The following UBE2E2 variants were observed in gnomAD, a reference collection of about 807,000 sequenced individuals.
UBE2E2 encodes the protein ubiquitin conjugating enzyme E2 E2.
Under a neutral mutation model 24.7 loss-of-function variants are expected in UBE2E2, and 6 were observed. The ratio of observed to expected loss-of-function variants is 0.24; its 90% CI spans 0.13 to 0.48. The LOEUF (loss-of-function observed/expected upper bound fraction) is 0.48, where lower values mean the gene tolerates loss of function less well. Ranked by LOEUF, UBE2E2 falls within the 20% of genes least tolerant of loss-of-function variation. The probability of loss-of-function intolerance (pLI) is 0.99; values close to 1 mark genes in which losing one functional copy is unlikely to be tolerated. For missense variants in UBE2E2, 169 were observed against 245.0 expected, an observed-to-expected ratio of 0.69 and a Z score of 2.07; for synonymous variants, 104 against 83.6, an observed-to-expected ratio of 1.24 and a Z score of -1.33.
At chr3:23,388,155 C>G (rs370630591) in intron 3 of UBE2E2, among the ~76,000 whole-genome samples, 3 of 152,270 alleles carry the variant, frequency 2.0e-5, no homozygotes, top group African/African-American at 7.2e-5. Flanking sequence ...CAATACTGTT[C>G]TTTGCAGTAT....
At position 23,352,856 on chromosome 3, in the gene UBE2E2, AAG is replaced by A. The variant is rs1695799425; in HGVS notation, c.227+135547_227+135548del. ...CTGAAACTATTCCAATCAATACAAA[AAG>A]AGGGAATCCTCCCTAACTCATTTTA... On this transcript the variant is annotated intron_variant, in intron 3 of 5. Transcript: ENST00000396703. Among the ~76,000 whole-genome samples the A allele has an allele frequency of 7.2e-5, 11 of 152,340 alleles. No homozygotes were observed. In the South Asian group the frequency reaches 2.3e-3, roughly 32 times the overall value.
intron 3 of UBE2E2, among the ~76,000 whole-genome samples, chr3:23,393,702 C>A (rs1697006423): frequency 6.6e-6 from 1 of 151,906 alleles, no homozygotes; most frequent in South Asian, 2.1e-4. Flanking sequence ...AAACTGTAGC[C>A]AGTGGGCCAC....
At chr3:23,361,758 A>C (rs781705186) in intron 3 of UBE2E2, among the ~76,000 whole-genome samples, 1 of 152,198 alleles carries the variant, frequency 6.6e-6, no homozygotes, top group Non-Finnish European at 1.5e-5. Flanking sequence ...AGAAATCACC[A>C]CTAAGGAACT....
chr3:23,256,338 C>G (rs555883267), intron 3 of UBE2E2, among the ~76,000 whole-genome samples: 2 of 152,126 alleles, frequency 1.3e-5, no homozygotes, highest in Non-Finnish European at 2.9e-5. Context: ...AATATTGTTA[C>G]TGCCTTGTCA....
chr3:23,311,222 G>A (rs1438716093), intron 3 of UBE2E2, among the ~76,000 whole-genome samples: 1 of 152,200 alleles, frequency 6.6e-6, no homozygotes, highest in Non-Finnish European at 1.5e-5. Flanking sequence ...ATTCGATGGT[G>A]TATATGTGCC....
At chr3:23,532,807 AC>A in intron 5 of UBE2E2, 106 bp downstream of exon 5, 1 of 1,044,316 alleles carries the variant, frequency 9.6e-7, no homozygotes, top group Non-Finnish European at 1.3e-6. Flanking sequence ...CACTGCTTCT[AC>A]TACTATTATT....
intron 3 of UBE2E2, among the ~76,000 whole-genome samples, chr3:23,341,796 T>C (rs1473803683): frequency 3.3e-5 from 5 of 152,208 alleles, no homozygotes; most frequent in African/African-American, 1.2e-4. Flanking sequence ...TGGCCAATTT[T>C]TTCTTTGTGA....
chr3:23,256,564 A>G (rs564818753), intron 3 of UBE2E2, among the ~76,000 whole-genome samples: 3 of 152,316 alleles, frequency 2.0e-5, no homozygotes, highest in South Asian at 2.1e-4. Flanking sequence ...TTAAAAAGCA[A>G]TGAAAGTGAT....
intron 2 of UBE2E2, among the ~76,000 whole-genome samples, chr3:23,209,846 T>C (rs1387114670): frequency 6.6e-6 from 1 of 152,178 alleles, no homozygotes; most frequent in Non-Finnish European, 1.5e-5. Flanking sequence ...GGTGAGTGGT[T>C]ATTCCAAGGT....
At chr3:23,357,299 T>G (rs549403544) in intron 3 of UBE2E2, among the ~76,000 whole-genome samples, 1 of 152,286 alleles carries the variant, frequency 6.6e-6, no homozygotes, top group Non-Finnish European at 1.5e-5. Context: ...TTACCGTAAG[T>G]GCTTTTTTTA....
chr3:23,281,212 G>A (rs1191173551), intron 3 of UBE2E2, among the ~76,000 whole-genome samples: 1 of 152,170 alleles, frequency 6.6e-6, no homozygotes, highest in Non-Finnish European at 1.5e-5. Context: ...ACTTACGTTA[G>A]TGAGGAAGAA....
chr3:23,410,913 TAAAG>T (rs1004557740), intron 3 of UBE2E2, among the ~76,000 whole-genome samples: 28 of 152,166 alleles, frequency 1.8e-4, no homozygotes, highest in African/African-American at 6.8e-4. Flanking sequence ...GAAAAACACT[TAAAG>T]AAGCGACAGA....
At chr3:23,584,719 G>A (rs4999998) in intron 5 of UBE2E2, among the ~76,000 whole-genome samples, 49,387 of 90,774 alleles carry the variant, frequency 0.54, 12,210 homozygotes, top group African/African-American at 0.77. Context: ...ACACCCAGCT[G>A]TTTTTTGTTT....
chr3:23,279,891 A>G (rs1323730748), intron 3 of UBE2E2, among the ~76,000 whole-genome samples: 1 of 152,204 alleles, frequency 6.6e-6, no homozygotes, highest in Admixed American at 6.5e-5. Context: ...TGCTCTGGCC[A>G]CTTAATTTTC....
At chr3:23,281,708 G>A (rs1440114936) in intron 3 of UBE2E2, among the ~76,000 whole-genome samples, 1 of 152,148 alleles carries the variant, frequency 6.6e-6, no homozygotes, top group Non-Finnish European at 1.5e-5. Flanking sequence ...TTATGTTAAT[G>A]TTAAGAATAA....
chr3:23,444,322 T>C (rs1698377901), intron 3 of UBE2E2, among the ~76,000 whole-genome samples: 1 of 152,166 alleles, frequency 6.6e-6, no homozygotes, highest in Non-Finnish European at 1.5e-5. Flanking sequence ...GATTGAATAT[T>C]CCTAGCAGTA....
At chr3:23,417,851 C>T (rs1697680265) in intron 3 of UBE2E2, among the ~76,000 whole-genome samples, 1 of 152,192 alleles carries the variant, frequency 6.6e-6, no homozygotes, top group Admixed American at 6.5e-5. Flanking sequence ...ATTTTGTTTA[C>T]ACTGTGAGGG....
intron 3 of UBE2E2, among the ~76,000 whole-genome samples, chr3:23,425,734 C>G (rs574584914): frequency 3.9e-5 from 6 of 152,122 alleles, no homozygotes; most frequent in Non-Finnish European, 8.8e-5. Flanking sequence ...GTCATGAGAC[C>G]TAATCATAGG....
At chr3:23,494,169 G>A (rs955275586) in intron 3 of UBE2E2, among the ~76,000 whole-genome samples, 1 of 152,140 alleles carries the variant, frequency 6.6e-6, no homozygotes, top group Non-Finnish European at 1.5e-5. Flanking sequence ...CAGCTTGAGA[G>A]ATAAGTGATC....
Sources: gnomAD v4.1 joint callset for allele counts (sites outside exome capture counted in the v4.1 genomes callset) on GRCh38, gnomAD v4.1.1 for gene constraint, MANE v1.5 for transcripts, NCBI Gene and HGNC (gene_info 2026-07-23, HGNC 2026-07-21) for gene names.